Variants in UVRAG observed in about 807,000 individuals in gnomAD.
The protein encoded by UVRAG is UV radiation resistance associated, also known as UV radiation resistance-associated gene protein.
Under a neutral mutation model 78.0 loss-of-function variants are expected in UVRAG, and 19 were observed. That is an observed-to-expected ratio of 0.24 (90% CI 0.17 to 0.36). The LOEUF is 0.36. UVRAG is among the 10% of genes least tolerant of loss of function. UVRAG has a pLI of 1.00. For missense variants in UVRAG, 740 were observed against 853.8 expected (o/e 0.87, Z 1.66); for synonymous variants, 323 against 324.6 (o/e 1.00, Z 0.05).
chr11:76,137,733 T>TA (rs1223548901), intron 14 of UVRAG: 316 of 288,118 alleles, frequency 1.1e-3, no homozygotes, highest in South Asian at 1.8e-3. Flanking sequence ...ATCCTGTCTC[T>TA]AAAAAAAAAT....
intron 1 of UVRAG, among the ~76,000 whole-genome samples, chr11:75,834,641 T>G (rs965862919): frequency 6.6e-6 from 1 of 152,026 alleles, no homozygotes; most frequent in Non-Finnish European, 1.5e-5. Context: ...GGTGAAACCC[T>G]GTCTGTACTA....
chr11:75,917,029 C>T (rs906775944), intron 6 of UVRAG, among the ~76,000 whole-genome samples: 1 of 152,184 alleles, frequency 6.6e-6, no homozygotes, highest in Non-Finnish European at 1.5e-5. Context: ...TGCATGACTC[C>T]TGAACCATAA....
chr11:76,105,390 G>A (rs1336858009), intron 13 of UVRAG, among the ~76,000 whole-genome samples: 1 of 151,626 alleles, frequency 6.6e-6, no homozygotes, highest in South Asian at 2.1e-4. Flanking sequence ...GGATGACAAA[G>A]CAATACCTTG....
intron 5 of UVRAG, among the ~76,000 whole-genome samples, chr11:75,906,092 A>G (rs1947608806): frequency 1.3e-5 from 2 of 152,086 alleles, no homozygotes; most frequent in African/African-American, 4.8e-5. Flanking sequence ...TATCATCTGG[A>G]AATTAGACCT....
chr11:76,134,705 AACC>A (rs889165134), intron 14 of UVRAG, among the ~76,000 whole-genome samples: 8 of 152,326 alleles, frequency 5.3e-5, no homozygotes, highest in African/African-American at 1.2e-4. Flanking sequence ...TCATAATGAC[AACC>A]ACCACAATTA....
chr11:75,905,502 T>C (rs1468718099), intron 5 of UVRAG, among the ~76,000 whole-genome samples: 1 of 152,194 alleles, frequency 6.6e-6, no homozygotes, highest in Non-Finnish European at 1.5e-5. Context: ...TCTCTATGGA[T>C]TTACCTATTT....
chr11:75,903,348 AT>A (rs1376557135), intron 5 of UVRAG, among the ~76,000 whole-genome samples: 1 of 152,154 alleles, frequency 6.6e-6, no homozygotes, highest in African/African-American at 2.4e-5. Context: ...TTGTCTTTAC[AT>A]TTTAGCATGG....
At chr11:75,840,855 TC>T (rs376063540) in intron 1 of UVRAG, among the ~76,000 whole-genome samples, 43 of 152,344 alleles carry the variant, frequency 2.8e-4, no homozygotes, top group African/African-American at 1.0e-3. Context: ...TCAGGTTGGA[TC>T]AAAGGATTAG....
chr11:75,946,272 C>T (rs1310856868), intron 6 of UVRAG, among the ~76,000 whole-genome samples: 7 of 151,992 alleles, frequency 4.6e-5, no homozygotes, highest in East Asian at 3.9e-4. Flanking sequence ...TTTAAAGATA[C>T]GTTAACATGA....
At chr11:75,900,212 A>G (rs188874163) in intron 5 of UVRAG, among the ~76,000 whole-genome samples, 22 of 152,350 alleles carry the variant, frequency 1.4e-4, no homozygotes, top group Admixed American at 1.2e-3. Flanking sequence ...TGTTCTCACC[A>G]GGGGATTCAG....
At chr11:76,094,211 C>T (rs1951750391) in intron 13 of UVRAG, among the ~76,000 whole-genome samples, 1 of 152,188 alleles carries the variant, frequency 6.6e-6, no homozygotes, top group Admixed American at 6.5e-5. Context: ...ATGAAGCCCA[C>T]TTGATCATGG....
intron 14 of UVRAG, among the ~76,000 whole-genome samples, chr11:76,128,063 G>A (rs966118213): frequency 6.6e-6 from 1 of 152,192 alleles, no homozygotes; most frequent in African/African-American, 2.4e-5. Context: ...TAAAAAAGCA[G>A]TGCTTTTCAG....
intron 1 of UVRAG, among the ~76,000 whole-genome samples, chr11:75,826,797 G>A (rs1001751609): frequency 6.7e-6 from 1 of 149,572 alleles, no homozygotes; most frequent in African/African-American, 2.5e-5. Context: ...GTTTTATTCT[G>A]TGTAATATTT....
intron 5 of UVRAG, among the ~76,000 whole-genome samples, chr11:75,897,798 A>G (rs1590990357): frequency 6.6e-6 from 1 of 151,312 alleles, no homozygotes; most frequent in East Asian, 1.9e-4. Context: ...TGCTGGGATT[A>G]CAGGCATGAG....
At position 75,868,529 on chromosome 11, in the gene UVRAG, C is replaced by T. The variant is rs141904074; in HGVS notation, c.270+6749C>T. Among the ~76,000 whole-genome samples, 732 of 152,236 alleles carry T rather than the reference C, an allele frequency of 4.8e-3. 4 individuals carry two copies. The highest frequency in any genetic ancestry group is 0.016 in the African/African-American group (670 of 41,526). ...TGGGGCACATCTGGTGGACCAGGAC[C>T]CTCACCTTATCCATGATATATTTAG... On this transcript the variant is annotated intron_variant, in intron 3 of 14. Coordinates refer to ENST00000356136, the MANE Select transcript of UVRAG (RefSeq NM_003369.4).
At chr11:75,862,963 T>C (rs1010596941) in intron 3 of UVRAG, among the ~76,000 whole-genome samples, 3 of 152,220 alleles carry the variant, frequency 2.0e-5, no homozygotes, top group African/African-American at 7.2e-5. Flanking sequence ...TTATCCCATT[T>C]TGATCCTTAG....
chr11:75,924,762 C>T (rs527645577), intron 6 of UVRAG, among the ~76,000 whole-genome samples: 4 of 152,218 alleles, frequency 2.6e-5, no homozygotes, highest in African/African-American at 9.6e-5. Context: ...TGATAGATCT[C>T]ATAGTCTTTA....
chr11:75,828,730 TGTATATATATATATATACACACAC>T (rs1945578456), intron 1 of UVRAG, among the ~76,000 whole-genome samples: 1 of 125,684 alleles, frequency 8.0e-6, no homozygotes, highest in African/African-American at 3.7e-5. Flanking sequence ...TATGTGTGTG[TGTATATATATATATATACACACAC>T]ATATATATAT....
At chr11:76,080,648 A>G (rs1383130800) in intron 13 of UVRAG, among the ~76,000 whole-genome samples, 1 of 152,200 alleles carries the variant, frequency 6.6e-6, no homozygotes, top group Non-Finnish European at 1.5e-5. Context: ...AGTACGTTCA[A>G]ATTATAGAAT....
Sources: allele counts gnomAD v4.1 joint callset (sites outside exome capture counted in the v4.1 genomes callset), GRCh38; gene constraint gnomAD v4.1.1; transcripts MANE v1.5; gene names NCBI Gene and HGNC (gene_info 2026-07-23, HGNC 2026-07-21).